COL6A5: variants seen among roughly 807,000 people sequenced by gnomAD.
The protein encoded by COL6A5 is collagen alpha-5(VI) chain.
Under a neutral mutation model 65.6 loss-of-function variants are expected in COL6A5, and 48 were observed. The ratio of observed to expected loss-of-function variants is 0.73; its 90% confidence interval spans 0.58 to 0.93. COL6A5 has a LOEUF of 0.93. COL6A5 is among the 40% of genes least tolerant of loss of function. COL6A5 has a pLI of 0.00. For missense variants in COL6A5, 914 were observed against 928.3 expected, an observed-to-expected ratio of 0.98 and a Z score of 0.20; for synonymous variants, 291 against 322.8, an observed-to-expected ratio of 0.90 and a Z score of 1.05.
rs746236432 is a variant in COL6A5, at chr3:130,469,463, T to C, written c.2215T>C (p.Phe739Leu). The change falls in exon 6 of 8, where the codon TTT becomes CTT. Residue 739 changes from phenylalanine to leucine, a missense_variant. Phe to Leu is a conservative substitution (Grantham distance 22, BLOSUM62 0). Transcript: ENST00000512836. ...CTATATCATCAAGTTTGTCAAGCCATTTGTCCATTTAATCAGACGTAAGTC... is the reference window on the plus strand; with the variant it reads ...CTATATCATCAAGTTTGTCAAGCCACTTGTCCATTTAATCAGACGTAAGTC... 2 of 1,611,966 alleles carry C rather than the reference T, an allele frequency of 1.2e-6. No individual in the cohort carries two copies. Among genetic ancestry groups the C allele is most frequent in the Admixed American group, 1.7e-5 (1 of 59,768 alleles).
At chr3:130,462,255 TG>T (rs1373887024) in intron 5 of COL6A5, among the ~76,000 whole-genome samples, 2 of 152,106 alleles carry the variant, frequency 1.3e-5, no homozygotes, top group Non-Finnish European at 2.9e-5. Flanking sequence ...GGAAGGGTGA[TG>T]GGCCTGGGCT....
intron 23 of COL6A5, among the ~76,000 whole-genome samples, chr3:130,416,453 A>T (rs748590373): frequency 2.0e-5 from 3 of 152,128 alleles, no homozygotes; most frequent in Non-Finnish European, 4.4e-5. Flanking sequence ...GCATTATGAC[A>T]ATTTTCCCAC....
intron 7 of COL6A5, 79 bp downstream of exon 7, chr3:130,391,833 C>T (rs915115701): frequency 9.5e-7 from 1 of 1,057,852 alleles, no homozygotes; most frequent in South Asian, 1.7e-5. Context: ...TCTCAGGTCT[C>T]CGATTACCTG....
Position 130,440,276 on chromosome 3 carries a change from AAG to A in COL6A5, c.693_694del (p.Lys232SerfsTer11). The A allele has an allele frequency of 1.2e-6, 2 of 1,607,850 alleles. No individual in the cohort carries two copies. Among genetic ancestry groups the A allele is most frequent in the Non-Finnish European group, 1.7e-6 (2 of 1,174,740 alleles). On this transcript the variant is annotated frameshift_variant, in exon 3 of 8. Transcript: ENST00000512836. LOFTEE classifies it high-confidence loss of function. ...TCGGAATATAGCAAAGGATGAGTTT[AAG>A]GCTGTGAAAGCCTTGGTGAGCTCAG...
chr3:130,451,307 A>G (rs1709425022), intron 4 of COL6A5, among the ~76,000 whole-genome samples: 1 of 152,132 alleles, frequency 6.6e-6, no homozygotes, highest in Admixed American at 6.5e-5. Flanking sequence ...GTGACAGGAA[A>G]AGCATGTATA....
rs774280176 is a variant in COL6A5, at chr3:130,469,492, A to G, written c.2231+11A>G. On this transcript the variant is annotated intron_variant, in intron 6 of 7. Transcript: ENST00000512836. The stretch of plus-strand genomic sequence containing the variant: ...TCCATTTAATCAGACGTAAGTCATT[A>G]ATTCTCTTTGATTGCTTTTGCAATA... The G allele has an allele frequency of 6.3e-7, 1 of 1,593,724 alleles. No individual in the cohort carries two copies. Among genetic ancestry groups the G allele is most frequent in the Non-Finnish European group, 8.6e-7 (1 of 1,167,192 alleles).
Position 130,409,306 on chromosome 3 carries a change from A to G in COL6A5, c.4480-20A>G. Reference sequence around the variant, plus strand: ...AAGCCTCCTACAAGCTAACTCAGAAATTCATTTCATTTTTTTCAGGGCAGC... The same window carrying G: ...AAGCCTCCTACAAGCTAACTCAGAAGTTCATTTCATTTTTTTCAGGGCAGC... On this transcript the variant is annotated intron_variant and NMD_transcript_variant, in intron 17 of 41. Transcript: ENST00000312481. The G allele has an allele frequency of 6.5e-7, 1 of 1,530,692 alleles. No homozygotes were observed. The highest frequency in any genetic ancestry group is 8.8e-7 in the Non-Finnish European group (1 of 1,137,860). The allele number at this position is 1,530,692 out of a possible 1,614,324, so 94.8% of individuals were successfully genotyped here.
chr3:130,364,271 A>C lies in COL6A5; in HGVS notation c.-28-9340A>C, dbSNP rs1347912681. On this transcript the variant is annotated intron_variant and NMD_transcript_variant, in intron 1 of 41. Transcript: ENST00000312481. The stretch of plus-strand genomic sequence containing the variant: ...GACCCCACATCTTAGAAATAAATGC[A>C]TATGACATTTTAAAAAATTGGGATC... Among the ~76,000 whole-genome samples, 3 of 152,286 alleles carry C rather than the reference A, an allele frequency of 2.0e-5. No individual in the cohort carries two copies. The East Asian group carries it at 5.8e-4, about 29-fold the overall frequency.
chr3:130,366,065 T>C (rs1935327081), intron 1 of COL6A5, among the ~76,000 whole-genome samples: 1 of 152,176 alleles, frequency 6.6e-6, no homozygotes, highest in Non-Finnish European at 1.5e-5. Context: ...AAACTATGGA[T>C]AGTAATGCTG....
At chr3:130,363,143 A>T (rs1465200010) in intron 1 of COL6A5, among the ~76,000 whole-genome samples, 1 of 152,004 alleles carries the variant, frequency 6.6e-6, no homozygotes, top group Non-Finnish European at 1.5e-5. Context: ...TTAGGATTCA[A>T]TTCTCTCTCC....
At chr3:130,436,851 C>G (rs1228161900) in intron 1 of COL6A5, among the ~76,000 whole-genome samples, 1 of 152,112 alleles carries the variant, frequency 6.6e-6, no homozygotes, top group East Asian at 1.9e-4. Context: ...TATCCTTATG[C>G]AATCTCTTGA....
exon 3 of COL6A5, chr3:130,376,543 C>T (rs991888813): frequency 1.2e-6 from 2 of 1,605,724 alleles, no homozygotes; most frequent in African/African-American, 2.7e-5. Flanking sequence ...TTCTCTGCAC[C>T]CATAAATGGG....
At position 130,398,026 on chromosome 3, in the gene COL6A5, C is replaced by T. The variant is rs1458768950; in HGVS notation, c.3910-4C>T. 2 of 1,550,022 alleles carry T rather than the reference C, an allele frequency of 1.3e-6. No homozygotes were observed. On this transcript the variant is annotated splice_region_variant and splice_polypyrimidine_tract_variant and intron_variant and NMD_transcript_variant, in intron 9 of 41. Transcript: ENST00000312481. ...TACACCATACCATTTTCTTATTTCT[C>T]CAGGTGCTGCTTATTTTTTCAGACG...
intron 7 of COL6A5, 21 bp from the exon 8 acceptor site, chr3:130,394,869 T>G (rs1936537946): frequency 1.3e-6 from 2 of 1,519,684 alleles, no homozygotes; most frequent in African/African-American, 2.8e-5. Context: ...GGAAAATAAT[T>G]TATTCTTTTT....
rs1936554637 is a variant in COL6A5, at chr3:130,395,265, T to C, written c.3368T>C (p.Val1123Ala). 1.3e-6 allele frequency: 2 copies of C among 1,551,694 alleles called. No homozygotes were observed. The highest frequency in any genetic ancestry group is 2.4e-5 in the South Asian group (2 of 84,036). The stretch of plus-strand genomic sequence containing the variant: ...ACATCTGGAGATCCTCGCTATGATG[T>C]GGCAGATGCAGTAAAAACCCTGAAG... The change falls in exon 8 of 42, where the codon GTG (valine) becomes GCG (alanine). Residue 1123 changes from valine to alanine, a missense_variant and NMD_transcript_variant. Coordinates refer to the COL6A5 transcript ENST00000312481.
At chr3:130,411,102 C>T (rs1937161436) in intron 20 of COL6A5, among the ~76,000 whole-genome samples, 1 of 152,144 alleles carries the variant, frequency 6.6e-6, no homozygotes, top group Non-Finnish European at 1.5e-5. Context: ...CAAGTGGCAA[C>T]CTTGAGGTGC....
intron 29 of COL6A5, among the ~76,000 whole-genome samples, chr3:130,425,773 T>C (rs766057638): frequency 6.6e-6 from 1 of 152,176 alleles, no homozygotes; most frequent in Non-Finnish European, 1.5e-5. Flanking sequence ...TTATTTCCTG[T>C]GCTTTACACT....
At chr3:130,413,311 G>C (rs1052319645) in intron 20 of COL6A5, among the ~76,000 whole-genome samples, 1 of 151,874 alleles carries the variant, frequency 6.6e-6, no homozygotes, top group African/African-American at 2.4e-5. Flanking sequence ...GAGGCTGTCA[G>C]ACTGGAGCTG....
chr3:130,462,988 C>T (rs1358893560), intron 5 of COL6A5, among the ~76,000 whole-genome samples: 1 of 152,112 alleles, frequency 6.6e-6, no homozygotes, highest in Non-Finnish European at 1.5e-5. Context: ...CCAACTCATT[C>T]ACCCTTGCCA....
Sources: gnomAD v4.1 joint callset for allele counts (sites outside exome capture counted in the v4.1 genomes callset) on GRCh38, gnomAD v4.1.1 for gene constraint, MANE v1.5 for transcripts, NCBI Gene and HGNC (gene_info 2026-07-23, HGNC 2026-07-21) for gene names.